Variants in SGCZ observed in about 807,000 individuals in gnomAD.
SGCZ encodes sarcoglycan zeta.
SGCZ carries 40 observed loss-of-function variants against 41.3 expected under a neutral mutation model. That is an observed-to-expected ratio of 0.97 (90% CI 0.75 to 1.26). SGCZ has a LOEUF of 1.26. Among genes scored for constraint, SGCZ ranks in the 50% most tolerant of loss-of-function variants. The probability of loss-of-function intolerance (pLI) is 0.00; values close to 1 mark genes in which losing one functional copy is unlikely to be tolerated. For synonymous variants in SGCZ, 206 were observed against 137.5 expected (o/e 1.50, Z -3.49); for missense variants, 552 against 369.8 (o/e 1.49, Z -4.04).
rs531193555 is a variant in SGCZ at position 14,515,915 on chromosome 8, T to C, written c.234+38817A>G. 6.6e-5 allele frequency among the ~76,000 whole-genome samples: 10 copies of C among 152,236 alleles called. No homozygotes were observed. In the East Asian group the frequency reaches 1.9e-3, roughly 29 times the overall value. The stretch of plus-strand genomic sequence containing the variant: ...TTCAATACGTTGTTATATCATCTTT[T>C]ACTTTTCAATTTGCTCCTATGATCC... On this transcript the variant is annotated intron_variant, in intron 2 of 7. Transcript: ENST00000382080.
intron 4 of SGCZ, among the ~76,000 whole-genome samples, chr8:14,192,166 TG>T (rs1805124965): frequency 6.6e-6 from 1 of 152,086 alleles, no homozygotes. Context: ...AACTTTCACA[TG>T]GGTAGTGCTT....
chr8:15,127,152 G>T (rs570720737), intron 1 of SGCZ, among the ~76,000 whole-genome samples: 1 of 151,904 alleles, frequency 6.6e-6, no homozygotes, highest in South Asian at 2.1e-4. Flanking sequence ...AAGAACTATA[G>T]GGTAGTCAAA....
At chr8:15,011,281 A>T (rs1221846897) in intron 1 of SGCZ, among the ~76,000 whole-genome samples, 1 of 151,450 alleles carries the variant, frequency 6.6e-6, no homozygotes, top group Non-Finnish European at 1.5e-5. Context: ...TCCAGGAGGT[A>T]TGTGTCTGTT....
rs1418443612 is a variant in SGCZ at position 14,085,290 on chromosome 8, C to A, written c.*5153G>T. On this transcript the variant is annotated 3_prime_UTR_variant, in exon 8 of 8. Transcript: ENST00000382080. ...ATCTATATATACAAGAAAACATTTACATGAAAGTACAAAACAAAATAAATG... is the reference window on the plus strand; with the variant it reads ...ATCTATATATACAAGAAAACATTTAAATGAAAGTACAAAACAAAATAAATG... 6.6e-6 allele frequency among the ~76,000 whole-genome samples: 1 copy of A among 151,574 alleles called. No individual in the cohort carries two copies. The highest frequency in any genetic ancestry group is 1.5e-5 in the Non-Finnish European group (1 of 67,776).
chr8:14,736,190 T>G (rs1165542782), intron 1 of SGCZ, among the ~76,000 whole-genome samples: 1 of 152,176 alleles, frequency 6.6e-6, no homozygotes. Flanking sequence ...AGCCATGTTT[T>G]GTAGAGGTTC....
chr8:15,177,200 G>A (rs563540881), intron 1 of SGCZ, among the ~76,000 whole-genome samples: 17 of 152,170 alleles, frequency 1.1e-4, no homozygotes, highest in Admixed American at 3.3e-4. Context: ...ACAGAATAGC[G>A]AACATGCCTC....
At chr8:14,849,269 T>A (rs1235902119) in intron 1 of SGCZ, among the ~76,000 whole-genome samples, 1 of 152,108 alleles carries the variant, frequency 6.6e-6, no homozygotes, top group East Asian at 1.9e-4. Context: ...ATTTATCAAA[T>A]TCTTTAAAAA....
At chr8:14,190,379 G>GTATA (rs764187186) in intron 4 of SGCZ, among the ~76,000 whole-genome samples, 75 of 150,712 alleles carry the variant, frequency 5.0e-4, no homozygotes, top group African/African-American at 1.8e-3. Context: ...GTGTGTGTGT[G>GTATA]TGTATATATA....
intron 3 of SGCZ, among the ~76,000 whole-genome samples, chr8:14,254,631 C>T (rs1016306652): frequency 2.0e-5 from 3 of 152,186 alleles, no homozygotes; most frequent in African/African-American, 7.2e-5. Flanking sequence ...ATCTGATTTA[C>T]ATTAAGAACA....
At position 14,192,200 on chromosome 8, in the gene SGCZ, T is replaced by C. The variant is rs147787559; in HGVS notation, c.425-27498A>G. ...CTTTACAGTAAAAACAGAAAATAGG[T>C]AATTGTATTATCTTTTTATTTAGCA... On this transcript the variant is annotated intron_variant, in intron 4 of 7. Transcript: ENST00000382080. 5.4e-3 allele frequency among the ~76,000 whole-genome samples: 816 copies of C among 152,134 alleles called. 3 individuals are homozygous for C. The highest frequency in any genetic ancestry group is 0.018 in the African/African-American group (757 of 41,542).
chr8:14,836,877 A>G (rs930942113), intron 1 of SGCZ, among the ~76,000 whole-genome samples: 1 of 152,190 alleles, frequency 6.6e-6, no homozygotes, highest in South Asian at 2.1e-4. Context: ...TACTACTTTC[A>G]TGGAAAACAA....
rs115373098 is a variant in SGCZ at position 14,357,562 on chromosome 8, C to T, written c.235-33358G>A. Among the ~76,000 whole-genome samples, 745 of 152,234 alleles carry T rather than the reference C, an allele frequency of 4.9e-3. 5 individuals are homozygous for T. Among genetic ancestry groups the T allele is most frequent in the African/African-American group, 0.016 (661 of 41,542 alleles). ...TCAGGAAGTAACAAAATAGGTAAGA[C>T]ATATGGCAAAAGGGACTCGCTACCT... On this transcript the variant is annotated intron_variant, in intron 2 of 7. Transcript: ENST00000382080.
At chr8:15,070,150 T>C (rs1033206851) in intron 1 of SGCZ, among the ~76,000 whole-genome samples, 8 of 152,196 alleles carry the variant, frequency 5.3e-5, no homozygotes, top group African/African-American at 1.4e-4. Flanking sequence ...CAAATTCTGA[T>C]GATTATATTA....
intron 2 of SGCZ, among the ~76,000 whole-genome samples, chr8:14,453,341 ACTTC>A (rs1221240346): frequency 1.3e-5 from 2 of 152,116 alleles, no homozygotes; most frequent in African/African-American, 4.8e-5. Context: ...TCAGGAAAAA[ACTTC>A]CTTATTACTT....
At chr8:15,219,590 C>A (rs1488531268) in intron 1 of SGCZ, among the ~76,000 whole-genome samples, 2 of 151,982 alleles carry the variant, frequency 1.3e-5, no homozygotes, top group Non-Finnish European at 2.9e-5. Context: ...TGTTCGTATC[C>A]CATTAATTTT....
chr8:14,854,270 A>T (rs1351456549), intron 1 of SGCZ, among the ~76,000 whole-genome samples: 1 of 151,624 alleles, frequency 6.6e-6, no homozygotes, highest in Non-Finnish European at 1.5e-5. Flanking sequence ...ACAACATTAT[A>T]TGCAAAATGA....
intron 4 of SGCZ, among the ~76,000 whole-genome samples, chr8:14,177,201 G>A (rs931483993): frequency 6.6e-6 from 1 of 152,112 alleles, no homozygotes; most frequent in Non-Finnish European, 1.5e-5. Context: ...GAAAATGCCA[G>A]TGGGGACTGG....
chr8:14,233,456 T>A (rs893612141), intron 4 of SGCZ, among the ~76,000 whole-genome samples: 2 of 151,114 alleles, frequency 1.3e-5, no homozygotes, highest in Admixed American at 6.6e-5. Flanking sequence ...CCTCATGATA[T>A]TGTGGGAAAC....
intron 4 of SGCZ, among the ~76,000 whole-genome samples, chr8:14,200,620 T>C (rs1471841215): frequency 2.0e-5 from 3 of 152,088 alleles, no homozygotes. Flanking sequence ...TGTTTGTTTG[T>C]TTTGTTTTGT....
Sources: allele counts gnomAD v4.1 joint callset (sites outside exome capture counted in the v4.1 genomes callset), GRCh38; gene constraint gnomAD v4.1.1; transcripts MANE v1.5; gene names NCBI Gene and HGNC (gene_info 2026-07-23, HGNC 2026-07-21).